The following ABAT variants were observed in gnomAD, a reference collection of about 807,000 sequenced individuals.
ABAT encodes 4-aminobutyrate aminotransferase, mitochondrial.
Under a neutral mutation model 64.6 loss-of-function variants are expected in ABAT, and 45 were observed. That is an observed-to-expected ratio of 0.70 (90% CI 0.55 to 0.89). The LOEUF (loss-of-function observed/expected upper bound fraction) is 0.89. Among genes scored for constraint, ABAT ranks in the 40% least tolerant of loss-of-function variants. ABAT has a pLI of 0.00. For synonymous variants in ABAT, 297 were observed against 250.5 expected (o/e 1.19, Z -1.75); for missense variants, 633 against 658.4 (o/e 0.96, Z 0.42).
At chr16:8,742,865 CAA>C (rs71152927) in intron 2 of ABAT, among the ~76,000 whole-genome samples, 12 of 96,966 alleles carry the variant, frequency 1.2e-4, no homozygotes, top group Admixed American at 1.2e-4. Context: ...GACCCTGTCT[CAA>C]AAAAAAAAAA....
chr16:8,681,287 G>A (rs1254947349), intron 1 of ABAT, among the ~76,000 whole-genome samples: 1 of 152,040 alleles, frequency 6.6e-6, no homozygotes, highest in Non-Finnish European at 1.5e-5. Context: ...TGCCTCGCCT[G>A]GCCCAGAGTT....
chr16:8,769,108 G>T (rs1462642612), intron 11 of ABAT, 135 bp downstream of exon 11: 17 of 1,248,358 alleles, frequency 1.4e-5, no homozygotes, highest in Middle Eastern at 2.7e-4. Flanking sequence ...GGGAAGCAGG[G>T]ACACAGAGGC....
intron 3 of ABAT, among the ~76,000 whole-genome samples, chr16:8,747,181 G>C (rs985569632): frequency 6.6e-6 from 1 of 152,164 alleles, no homozygotes; most frequent in Non-Finnish European, 1.5e-5. Context: ...GTCAAGGGCT[G>C]GGGTACAACA....
intron 1 of ABAT, among the ~76,000 whole-genome samples, chr16:8,697,817 A>G (rs2057737215): frequency 6.6e-6 from 1 of 151,918 alleles, no homozygotes; most frequent in Admixed American, 6.6e-5. Context: ...TTGTAGTTTT[A>G]GTAGAGAAGG....
chr16:8,753,640 A>G (rs1000561888), intron 5 of ABAT, among the ~76,000 whole-genome samples: 5 of 152,240 alleles, frequency 3.3e-5, no homozygotes, highest in Non-Finnish European at 5.9e-5. Flanking sequence ...CAGTGGTGAT[A>G]AGGAACCAGG....
chr16:8,762,871 C>T (rs1312319449), intron 6 of ABAT, among the ~76,000 whole-genome samples: 2 of 152,122 alleles, frequency 1.3e-5, no homozygotes, highest in Non-Finnish European at 2.9e-5. Context: ...CTTTGGGAGG[C>T]TGAGGCAGGC....
intron 5 of ABAT, among the ~76,000 whole-genome samples, chr16:8,754,810 C>G (rs186918835): frequency 2.0e-5 from 3 of 151,824 alleles, no homozygotes; most frequent in Non-Finnish European, 2.9e-5. Flanking sequence ...CCTCTGCCCC[C>G]CTGGTTCAAG....
chr16:8,775,888 G>C (rs1361310329), intron 13 of ABAT, among the ~76,000 whole-genome samples: 4 of 152,216 alleles, frequency 2.6e-5, no homozygotes, highest in African/African-American at 9.6e-5. Flanking sequence ...ATCATTCATG[G>C]AGGGGTAAAG....
At chr16:8,736,677 T>G (rs1259723367) in intron 2 of ABAT, 1 of 152,336 alleles carries the variant, frequency 6.6e-6, no homozygotes, top group Admixed American at 6.5e-5. Flanking sequence ...TCCTTCTGTT[T>G]GACGTCTTTG....
intron 1 of ABAT, among the ~76,000 whole-genome samples, chr16:8,719,051 T>A (rs138421922): frequency 1.3e-5 from 2 of 152,308 alleles, no homozygotes; most frequent in African/African-American, 4.8e-5. Flanking sequence ...GAACGGGAAG[T>A]GCGTTTCCTC....
intron 6 of ABAT, among the ~76,000 whole-genome samples, chr16:8,759,562 G>C (rs907367252): frequency 6.6e-6 from 1 of 152,126 alleles, no homozygotes; most frequent in Non-Finnish European, 1.5e-5. Context: ...GCCCAGGCTA[G>C]AGTGCAGGGG....
chr16:8,756,025 G>A lies in ABAT; in HGVS notation c.317-1732G>A, dbSNP rs185332046. ...GATTGCTCCACTTCACTCCAGCCTGGGCAACAGAGCGAGACTCTCTCTCAA... is the reference window on the plus strand; with the variant it reads ...GATTGCTCCACTTCACTCCAGCCTGAGCAACAGAGCGAGACTCTCTCTCAA... On this transcript the variant is annotated intron_variant, in intron 5 of 15. Transcript: ENST00000268251. Among the ~76,000 whole-genome samples the A allele has an allele frequency of 2.6e-4, 40 of 151,916 alleles. No homozygotes were observed. In the East Asian group the frequency reaches 7.2e-3, roughly 27 times the overall value.
chr16:8,720,217 G>A (rs1209114400), intron 1 of ABAT, among the ~76,000 whole-genome samples: 2 of 152,174 alleles, frequency 1.3e-5, no homozygotes, highest in African/African-American at 4.8e-5. Flanking sequence ...AGCCAGTTGA[G>A]TGCCTCCTGA....
chr16:8,710,006 T>C (rs970418450), intron 1 of ABAT, among the ~76,000 whole-genome samples: 4 of 152,000 alleles, frequency 2.6e-5, no homozygotes, highest in African/African-American at 9.7e-5. Context: ...ACAGACCTGC[T>C]TTCACTGTAT....
At chr16:8,761,882 T>G (rs2142895594) in intron 6 of ABAT, among the ~76,000 whole-genome samples, 1 of 152,338 alleles carries the variant, frequency 6.6e-6, no homozygotes, top group South Asian at 2.1e-4. Context: ...CCATAATTAC[T>G]TCATGTGACT....
At chr16:8,697,278 T>C (rs184969191) in intron 1 of ABAT, among the ~76,000 whole-genome samples, 1 of 152,022 alleles carries the variant, frequency 6.6e-6, no homozygotes, top group Non-Finnish European at 1.5e-5. Flanking sequence ...CATTAGAAGG[T>C]TGGGTTTTAT....
intron 5 of ABAT, among the ~76,000 whole-genome samples, chr16:8,756,507 G>A (rs556416600): frequency 2.6e-5 from 4 of 152,152 alleles, no homozygotes; most frequent in East Asian, 1.9e-4. Context: ...CTATTGTCTC[G>A]TTATTTTAAT....
At chr16:8,735,256 G>A (rs112570797) in intron 1 of ABAT, among the ~76,000 whole-genome samples, 2 of 151,096 alleles carry the variant, frequency 1.3e-5, no homozygotes, top group Admixed American at 1.3e-4. Flanking sequence ...TTTTGTTTTG[G>A]TTTGGTTTTT....
chr16:8,729,325 G>C (rs1031447561), intron 1 of ABAT, among the ~76,000 whole-genome samples: 43 of 111,082 alleles, frequency 3.9e-4, no homozygotes, highest in African/African-American at 1.3e-3. Flanking sequence ...AAACAGCTAG[G>C]AGTTTTGTTA....
Sources: gnomAD v4.1 joint callset for allele counts (sites outside exome capture counted in the v4.1 genomes callset) on GRCh38, gnomAD v4.1.1 for gene constraint, MANE v1.5 for transcripts, NCBI Gene and HGNC (gene_info 2026-07-23, HGNC 2026-07-21) for gene names.